The following ARHGAP10 variants were observed in gnomAD, a reference collection of about 807,000 sequenced individuals.
ARHGAP10 encodes the protein rho GTPase-activating protein 10.
ARHGAP10 carries 87 observed loss-of-function variants against 108.6 expected under a neutral mutation model. That is an observed-to-expected ratio of 0.80 (90% CI 0.67 to 0.96). The LOEUF (loss-of-function observed/expected upper bound fraction) is 0.96, where lower values mean the gene tolerates loss of function less well. ARHGAP10 is among the 40% of genes least tolerant of loss of function. The probability of loss-of-function intolerance (pLI) is 0.00; values close to 1 mark genes in which losing one functional copy is unlikely to be tolerated. For synonymous variants in ARHGAP10, 347 were observed against 341.1 expected (o/e 1.02, Z -0.19); for missense variants, 939 against 954.5 (o/e 0.98, Z 0.21).
At chr4:147,799,446 G>T (rs1731485066) in intron 1 of ARHGAP10, among the ~76,000 whole-genome samples, 1 of 151,826 alleles carries the variant, frequency 6.6e-6, no homozygotes, top group Non-Finnish European at 1.5e-5. Context: ...TTTCCTCTTG[G>T]GGCTCAATGA....
chr4:148,048,059 G>A (rs1728966984), intron 20 of ARHGAP10, among the ~76,000 whole-genome samples: 1 of 152,158 alleles, frequency 6.6e-6, no homozygotes, highest in Non-Finnish European at 1.5e-5. Context: ...CTGACCTCAA[G>A]TGATCCACCC....
intron 18 of ARHGAP10, among the ~76,000 whole-genome samples, chr4:147,971,136 T>C (rs952753899): frequency 6.6e-6 from 1 of 151,392 alleles, no homozygotes; most frequent in African/African-American, 2.4e-5. Flanking sequence ...GCCAAAATAT[T>C]ATTAAGGTCT....
At chr4:147,782,911 A>C (rs1001801623) in intron 1 of ARHGAP10, among the ~76,000 whole-genome samples, 2 of 141,576 alleles carry the variant, frequency 1.4e-5, no homozygotes, top group African/African-American at 5.1e-5. Flanking sequence ...ATTATATATA[A>C]TATATAAATT....
chr4:147,795,339 G>A (rs2118036), intron 1 of ARHGAP10, among the ~76,000 whole-genome samples: 114,587 of 152,130 alleles, frequency 0.75, 48,617 homozygotes, highest in Non-Finnish European at 0.93. Flanking sequence ...TTTATCCTAC[G>A]TTTGTCTTTT....
At chr4:147,872,261 C>T (rs2126857023) in intron 7 of ARHGAP10, among the ~76,000 whole-genome samples, 1 of 152,056 alleles carries the variant, frequency 6.6e-6, no homozygotes, top group African/African-American at 2.4e-5. Context: ...TGGGAGATTG[C>T]TTATGCTGAG....
At chr4:147,838,417 C>T (rs1298608646) in intron 3 of ARHGAP10, among the ~76,000 whole-genome samples, 2 of 151,916 alleles carry the variant, frequency 1.3e-5, no homozygotes, top group Non-Finnish European at 2.9e-5. Flanking sequence ...CTGTAGTGAT[C>T]TGTTATCACA....
At chr4:147,975,781 T>A (rs1206369964) in intron 18 of ARHGAP10, among the ~76,000 whole-genome samples, 1 of 152,244 alleles carries the variant, frequency 6.6e-6, no homozygotes, top group Non-Finnish European at 1.5e-5. Context: ...TTTCAACATA[T>A]GAACTCTGAG....
At chr4:147,989,057 A>G (rs1182459822) in intron 18 of ARHGAP10, among the ~76,000 whole-genome samples, 2 of 152,238 alleles carry the variant, frequency 1.3e-5, no homozygotes, top group Non-Finnish European at 1.5e-5. Flanking sequence ...GGCTTGAGAA[A>G]TAAAAGGACA....
chr4:148,070,144 T>C (rs1448855441), intron 22 of ARHGAP10, among the ~76,000 whole-genome samples: 2 of 152,206 alleles, frequency 1.3e-5, no homozygotes, highest in Non-Finnish European at 2.9e-5. Context: ...TAGAAGAGAA[T>C]GTCTCAGTGT....
intron 1 of ARHGAP10, among the ~76,000 whole-genome samples, chr4:147,768,371 T>G (rs987095494): frequency 1.3e-5 from 2 of 152,178 alleles, no homozygotes; most frequent in Non-Finnish European, 2.9e-5. Flanking sequence ...TACTAGTGGT[T>G]TTTTGAGTGT....
chr4:147,778,658 G>T (rs1050750162), intron 1 of ARHGAP10, among the ~76,000 whole-genome samples: 2 of 152,162 alleles, frequency 1.3e-5, no homozygotes, highest in Non-Finnish European at 2.9e-5. Flanking sequence ...TCCTATTCCT[G>T]CCTGGGTATA....
At chr4:147,765,197 A>G (rs913257592) in intron 1 of ARHGAP10, among the ~76,000 whole-genome samples, 2 of 152,242 alleles carry the variant, frequency 1.3e-5, no homozygotes, top group South Asian at 2.1e-4. Context: ...TATCATTGTG[A>G]GTCATTTAAG....
At chr4:147,870,868 A>G (rs1210024700) in intron 7 of ARHGAP10, among the ~76,000 whole-genome samples, 1 of 152,112 alleles carries the variant, frequency 6.6e-6, no homozygotes, top group Non-Finnish European at 1.5e-5. Flanking sequence ...GTATTTAAGA[A>G]TATGGGCAAA....
chr4:147,806,465 A>G (rs1226797212), intron 1 of ARHGAP10, among the ~76,000 whole-genome samples: 1 of 149,580 alleles, frequency 6.7e-6, no homozygotes, highest in Non-Finnish European at 1.5e-5. Context: ...TACCAGATTA[A>G]GTAATCAGGG....
rs1393966827 is a variant in ARHGAP10 at position 147,847,165 on chromosome 4, T to C, written c.327T>C (p.Thr109=). ...TTGTTCTCTAGGCATTAAGTGTAAC[T>C]GAAACCCTGATTAAACCCTTGGAAA... ...EQREIMALSV[T]ETLIKPLEKF... is the part of the protein sequence containing the mutation. Residue 109 remains threonine, a synonymous_variant, in exon 4 of 23, where the codon ACT becomes ACC. Coordinates refer to ENST00000336498, the MANE Select transcript of ARHGAP10 (RefSeq NM_024605.4). The C allele has an allele frequency of 6.2e-7, 1 of 1,613,336 alleles. No homozygotes were observed. The highest frequency in any genetic ancestry group is 2.2e-5 in the East Asian group (1 of 44,876).
intron 14 of ARHGAP10, 21 bp downstream of exon 14, chr4:147,939,920 T>C (rs1578713356): frequency 6.3e-7 from 1 of 1,589,312 alleles, no homozygotes; most frequent in East Asian, 2.2e-5. Flanking sequence ...TTTCTAATCA[T>C]TTTTCCATGT....
intron 1 of ARHGAP10, among the ~76,000 whole-genome samples, chr4:147,819,341 A>G (rs1471342095): frequency 6.6e-6 from 1 of 152,134 alleles, no homozygotes; most frequent in South Asian, 2.1e-4. Context: ...ATAAACAAAC[A>G]TGTTCGTATA....
Position 147,837,650 on chromosome 4 carries a change from T to TTTTTTTTTTTTTTG in ARHGAP10, c.313-9489_313-9488insTGTTTTTTTTTTTT, listed in dbSNP as rs71250029. Among the ~76,000 whole-genome samples, 52 of 112,086 alleles carry TTTTTTTTTTTTTTG rather than the reference T, an allele frequency of 4.6e-4. 1 individual carries two copies. The highest frequency in any genetic ancestry group is 8.1e-3 in the Middle Eastern group (1 of 124). The allele number at this position is 112,086 out of a possible 152,430, so 73.5% of individuals were successfully genotyped here. A position where few individuals can be genotyped will look rare whatever the true frequency, so the allele number is the denominator to read the frequency against. On this transcript the variant is annotated intron_variant, in intron 3 of 22. Transcript: ENST00000336498. Reference sequence around the variant, plus strand: ...CTAGAATCTCTGGTCACTGTTTTTTTTTTTTTTTTTTTAAAGCAGTAGCTT... The same window carrying TTTTTTTTTTTTTTG: ...CTAGAATCTCTGGTCACTGTTTTTTTTTTTTTTTTTTTTGTTTTTTTTTTTTAAAGCAGTAGCTT...
intron 1 of ARHGAP10, among the ~76,000 whole-genome samples, chr4:147,799,694 A>G (rs1325357769): frequency 6.6e-6 from 1 of 152,114 alleles, no homozygotes; most frequent in Non-Finnish European, 1.5e-5. Flanking sequence ...GAGATTTTCT[A>G]GTTTCTCATT....
Sources: gnomAD v4.1 joint callset for allele counts (sites outside exome capture counted in the v4.1 genomes callset) on GRCh38, gnomAD v4.1.1 for gene constraint, MANE v1.5 for transcripts, NCBI Gene and HGNC (gene_info 2026-07-23, HGNC 2026-07-21) for gene names.